The following LMNTD1 variants were observed in gnomAD, a reference collection of about 807,000 sequenced individuals.
The protein encoded by LMNTD1 is lamin tail domain-containing protein 1.
LMNTD1 carries 35 observed loss-of-function variants against 50.9 expected under a neutral mutation model. The ratio of observed to expected loss-of-function variants is 0.69; its 90% confidence interval spans 0.53 to 0.91. LMNTD1 has a LOEUF of 0.91. Ranked by LOEUF, LMNTD1 falls within the 40% of genes least tolerant of loss-of-function variation. The pLI is 0.00. For missense variants in LMNTD1, 470 were observed against 475.5 expected (o/e 0.99, Z 0.11); for synonymous variants, 153 against 161.9 (o/e 0.94, Z 0.42).
intron 1 of LMNTD1, among the ~76,000 whole-genome samples, chr12:25,606,635 T>C (rs1250518132): frequency 1.3e-5 from 2 of 152,232 alleles, no homozygotes; most frequent in East Asian, 3.8e-4. Context: ...GGATTACGTT[T>C]ATTGATTTGC....
At chr12:25,583,843 T>C (rs1451044812) in intron 1 of LMNTD1, among the ~76,000 whole-genome samples, 1 of 152,166 alleles carries the variant, frequency 6.6e-6, no homozygotes, top group Non-Finnish European at 1.5e-5. Flanking sequence ...GGCTTTCCTC[T>C]GAGAGAGAAG....
chr12:25,560,225 T>C (rs541419894), intron 1 of LMNTD1, among the ~76,000 whole-genome samples: 1 of 152,302 alleles, frequency 6.6e-6, no homozygotes, highest in Non-Finnish European at 1.5e-5. Flanking sequence ...TTGTATAAGG[T>C]GTAAGGAAGG....
At chr12:25,484,110 G>A (rs1343225652) in intron 9 of LMNTD1, among the ~76,000 whole-genome samples, 5 of 151,930 alleles carry the variant, frequency 3.3e-5, no homozygotes, top group Non-Finnish European at 5.9e-5. Context: ...TGGGAGTTGA[G>A]AATGAAAGAG....
intron 9 of LMNTD1, among the ~76,000 whole-genome samples, chr12:25,495,265 T>TGTGTGG (rs1939023205): frequency 6.6e-6 from 1 of 151,614 alleles, no homozygotes; most frequent in Non-Finnish European, 1.5e-5. Context: ...TGTGTGTGTG[T>TGTGTGG]GTGTGTGTGT....
chr12:25,607,419 T>C (rs1946137960), intron 1 of LMNTD1, among the ~76,000 whole-genome samples: 1 of 152,204 alleles, frequency 6.6e-6, no homozygotes, highest in South Asian at 2.1e-4. Context: ...CTTTTAATTG[T>C]GATGTTAGGG....
chr12:25,511,810 A>G (rs1940319471), intron 8 of LMNTD1, among the ~76,000 whole-genome samples: 1 of 152,186 alleles, frequency 6.6e-6, no homozygotes, highest in South Asian at 2.1e-4. Flanking sequence ...ATTTCTACTT[A>G]TATTTCAGTC....
Position 25,608,091 on chromosome 12 carries a change from G to A in LMNTD1, c.58+40403C>T, listed in dbSNP as rs553954337. The stretch of plus-strand genomic sequence containing the variant: ...TTGATCCCTTTACCATTATGTAATG[G>A]CCTTCTTTGTCTCTTTTGATCTTTG... On this transcript the variant is annotated intron_variant, in intron 1 of 7. Coordinates refer to the LMNTD1 transcript ENST00000445693. Among the ~76,000 whole-genome samples, 234 of 152,060 alleles carry A rather than the reference G, an allele frequency of 1.5e-3. 1 individual carries two copies. The highest frequency in any genetic ancestry group is 5.3e-3 in the African/African-American group (218 of 41,490).
At chr12:25,512,953 T>C (rs368647953) in intron 8 of LMNTD1, among the ~76,000 whole-genome samples, 2 of 152,194 alleles carry the variant, frequency 1.3e-5, no homozygotes, top group African/African-American at 2.4e-5. Flanking sequence ...CATTTTAGTT[T>C]GTTGTGAACA....
At chr12:25,527,663 TATATATATATATATATATACACACACAC>T (rs1293439152) in intron 4 of LMNTD1, among the ~76,000 whole-genome samples, 8 of 27,504 alleles carry the variant, frequency 2.9e-4, no homozygotes, top group Admixed American at 9.5e-4. Flanking sequence ...TATATATATA[TATATATATATATATATATACACACACAC>T]ACACACACAC....
At chr12:25,549,077 T>C (rs1565467686) in intron 3 of LMNTD1, among the ~76,000 whole-genome samples, 1 of 152,028 alleles carries the variant, frequency 6.6e-6, no homozygotes, top group Non-Finnish European at 1.5e-5. Flanking sequence ...TGAACCATCA[T>C]GATAACTCAA....
At chr12:25,605,619 T>C (rs1180332948) in intron 1 of LMNTD1, among the ~76,000 whole-genome samples, 2 of 152,236 alleles carry the variant, frequency 1.3e-5, no homozygotes, top group Non-Finnish European at 2.9e-5. Flanking sequence ...CCATTGCTTG[T>C]TTGTGTCAGG....
chr12:25,597,067 C>G (rs954949667), intron 1 of LMNTD1, among the ~76,000 whole-genome samples: 7 of 151,514 alleles, frequency 4.6e-5, no homozygotes, highest in African/African-American at 1.7e-4. Flanking sequence ...AATGGATACA[C>G]GAAAAATAAA....
intron 1 of LMNTD1, among the ~76,000 whole-genome samples, chr12:25,643,420 G>GAAA (rs1428893644): frequency 1.3e-5 from 2 of 152,070 alleles, no homozygotes; most frequent in African/African-American, 4.8e-5. Flanking sequence ...GACATGAGAT[G>GAAA]AAAAAGGTTA....
intron 1 of LMNTD1, among the ~76,000 whole-genome samples, chr12:25,633,885 G>T (rs1946769193): frequency 6.6e-6 from 1 of 151,948 alleles, no homozygotes; most frequent in Non-Finnish European, 1.5e-5. Context: ...TAAACAAAAA[G>T]GTTTGAAATC....
intron 1 of LMNTD1, among the ~76,000 whole-genome samples, chr12:25,628,508 T>A (rs1946645065): frequency 6.6e-6 from 1 of 152,170 alleles, no homozygotes; most frequent in South Asian, 2.1e-4. Context: ...GATGTTTACA[T>A]ACTAATTCCT....
intron 1 of LMNTD1, among the ~76,000 whole-genome samples, chr12:25,566,002 T>G: frequency 6.6e-6 from 1 of 152,184 alleles, no homozygotes; most frequent in East Asian, 1.9e-4. Flanking sequence ...TTCTTTTCTC[T>G]TACTGCTTTT....
At chr12:25,521,088 T>G (rs1179913801) in intron 6 of LMNTD1, among the ~76,000 whole-genome samples, 3 of 152,202 alleles carry the variant, frequency 2.0e-5, no homozygotes, top group Non-Finnish European at 4.4e-5. Context: ...TTGTAAGAGT[T>G]CCTCATAGAT....
At chr12:25,565,949 A>G (rs1448842118) in intron 1 of LMNTD1, among the ~76,000 whole-genome samples, 1 of 152,190 alleles carries the variant, frequency 6.6e-6, no homozygotes, top group African/African-American at 2.4e-5. Context: ...GTTTCCACTG[A>G]AAAGTCTGCT....
At chr12:25,569,613 T>C (rs763545260) in intron 1 of LMNTD1, among the ~76,000 whole-genome samples, 10 of 152,214 alleles carry the variant, frequency 6.6e-5, no homozygotes, top group Non-Finnish European at 1.5e-4. Flanking sequence ...TGGTAGAAGA[T>C]GACTGGATCA....
Sources: gnomAD v4.1 joint callset for allele counts (sites outside exome capture counted in the v4.1 genomes callset) on GRCh38, gnomAD v4.1.1 for gene constraint, MANE v1.5 for transcripts, NCBI Gene and HGNC (gene_info 2026-07-23, HGNC 2026-07-21) for gene names.